The following XIRP2 variants were observed in gnomAD, a reference collection of about 807,000 sequenced individuals.
XIRP2 encodes the protein xin actin-binding repeat-containing protein 2.
In XIRP2, 236 loss-of-function variants were observed where a neutral mutation model predicts 277.0. The ratio of observed to expected loss-of-function variants is 0.85; its 90% CI spans 0.77 to 0.95. XIRP2 has a LOEUF of 0.95. XIRP2 is among the 40% of genes least tolerant of loss of function. XIRP2 has a pLI of 0.00. For synonymous variants in XIRP2, 1,490 were observed against 1,416.5 expected, an observed-to-expected ratio of 1.05 and a Z score of -1.17; for missense variants, 4,640 against 4,157.5, an observed-to-expected ratio of 1.12 and a Z score of -3.19.
At chr2:167,150,870 CAGTGAA>C (rs1439901145) in intron 3 of XIRP2, among the ~76,000 whole-genome samples, 1 of 151,984 alleles carries the variant, frequency 6.6e-6, no homozygotes, top group African/African-American at 2.4e-5. Flanking sequence ...GTGATTTGGG[CAGTGAA>C]ACTAGCCTTT....
chr2:167,254,565 A>G (rs985559220), intron 10 of XIRP2, among the ~76,000 whole-genome samples: 2 of 151,882 alleles, frequency 1.3e-5, no homozygotes, highest in African/African-American at 2.4e-5. Context: ...TCACTACTCA[A>G]TTTCTATTAG....
intron 2 of XIRP2, among the ~76,000 whole-genome samples, chr2:166,936,278 A>G (rs1036356024): frequency 4.7e-4 from 71 of 152,128 alleles, no homozygotes; most frequent in African/African-American, 1.5e-3. Context: ...TTTCTTGTAA[A>G]TTTGTTTGAG....
At chr2:167,142,225 CAT>C (rs937001575) in intron 3 of XIRP2, among the ~76,000 whole-genome samples, 9 of 152,130 alleles carry the variant, frequency 5.9e-5, no homozygotes, top group African/African-American at 1.9e-4. Flanking sequence ...GGAGCCCACA[CAT>C]GAGAGCCAAA....
At chr2:167,111,188 A>G (rs988531740) in intron 2 of XIRP2, among the ~76,000 whole-genome samples, 1 of 152,018 alleles carries the variant, frequency 6.6e-6, no homozygotes, top group Non-Finnish European at 1.5e-5. Context: ...ACTGATTGTT[A>G]TGGCCAGGCC....
At chr2:166,997,895 G>A (rs981165160) in intron 2 of XIRP2, among the ~76,000 whole-genome samples, 47 of 148,260 alleles carry the variant, frequency 3.2e-4, no homozygotes, top group African/African-American at 1.1e-3. Context: ...GAAAGAGCGA[G>A]ACTCCATCTC....
chr2:166,917,886 C>T (rs1018616061), intron 2 of XIRP2, among the ~76,000 whole-genome samples: 3 of 152,110 alleles, frequency 2.0e-5, no homozygotes, highest in South Asian at 2.1e-4. Flanking sequence ...TAACAAATAC[C>T]GTAAGTGACT....
chr2:166,937,632 C>A (rs1364990134), intron 2 of XIRP2, among the ~76,000 whole-genome samples: 1 of 152,132 alleles, frequency 6.6e-6, no homozygotes, highest in East Asian at 1.9e-4. Context: ...GGAGGATTCC[C>A]TCTTTTTCTA....
chr2:167,015,614 C>G (rs1687804174), intron 2 of XIRP2, among the ~76,000 whole-genome samples: 2 of 151,802 alleles, frequency 1.3e-5, no homozygotes, highest in Admixed American at 1.3e-4. Flanking sequence ...AAATCCTACT[C>G]TTTAAGCACT....
At chr2:167,214,505 A>G (rs554907357) in intron 4 of XIRP2, among the ~76,000 whole-genome samples, 4 of 149,044 alleles carry the variant, frequency 2.7e-5, no homozygotes, top group East Asian at 4.0e-4. Context: ...AATCAACTGT[A>G]TGAATTTTTG....
In XIRP2 at chr2:167,246,674, T is replaced by C; in HGVS notation, c.5282T>C (p.Leu1761Pro). ...GGAGCTTTGGATTATCTGAAACAAC[T>C]CCACACAGAGTCAAATGAAACACTG... ...EAGALDYLKQLHTESNETLTA... is the reference protein window; with the variant it reads ...EAGALDYLKQPHTESNETLTA... The change falls in exon 9 of 11, where the codon CTC becomes CCC. Residue 1761 changes from leucine to proline, a missense_variant. Physicochemically the swap from Leu to Pro is moderately conservative, Grantham distance 98. Coordinates refer to ENST00000409195, the MANE Select transcript of XIRP2 (RefSeq NM_152381.6). 6.2e-7 allele frequency: 1 copy of C among 1,613,690 alleles called. No homozygotes were observed. The highest frequency in any genetic ancestry group is 8.5e-7 in the Non-Finnish European group (1 of 1,179,830).
At chr2:167,224,747 G>A (rs1389653659) in intron 5 of XIRP2, among the ~76,000 whole-genome samples, 1 of 152,196 alleles carries the variant, frequency 6.6e-6, no homozygotes, top group East Asian at 1.9e-4. Flanking sequence ...GCCAAGAGGG[G>A]ACATAATCAA....
chr2:167,232,248 C>T (rs1056514037), intron 5 of XIRP2, among the ~76,000 whole-genome samples: 2 of 151,932 alleles, frequency 1.3e-5, no homozygotes, highest in Admixed American at 1.3e-4. Flanking sequence ...TGACTGTTCA[C>T]TAGGTATGAG....
chr2:167,189,354 T>G (rs1693257471), intron 3 of XIRP2, among the ~76,000 whole-genome samples: 2 of 152,292 alleles, frequency 1.3e-5, no homozygotes, highest in South Asian at 4.1e-4. Flanking sequence ...ATGTCTAGAT[T>G]TATTAATTTA....
rs1399744441 is a variant in XIRP2 at position 167,246,462 on chromosome 2, T to C, written c.5070T>C (p.Thr1690=). ...ATGAAAAAGGAGATATTAACATGAC[T>C]ATCTATTGTCTTCTTCATGAAAATG... ...QEDEKGDINM[T]IYCLLHENDG... The change falls in exon 9 of 11, where the codon ACT becomes ACC. Residue 1690 remains threonine (T), a synonymous_variant. Coordinates refer to ENST00000409195, the MANE Select transcript of XIRP2 (RefSeq NM_152381.6). The C allele has an allele frequency of 6.2e-7, 1 of 1,613,582 alleles. No homozygotes were observed. Among genetic ancestry groups the C allele is most frequent in the East Asian group, 2.2e-5 (1 of 44,842 alleles).
In XIRP2 at chr2:166,936,259, G is replaced by C. The variant is rs1236497780; in HGVS notation, c.408+32369G>C. On this transcript the variant is annotated intron_variant, in intron 2 of 10. Coordinates refer to ENST00000409195, the MANE Select transcript of XIRP2 (RefSeq NM_152381.6). ...CCTTCGCCCACTTTTTGATGGGGTT[G>C]TTTGTTTTTTTCTTGTAAATTTGTT... Among the ~76,000 whole-genome samples, 4 of 152,294 alleles carry C rather than the reference G, an allele frequency of 2.6e-5. 1 individual carries two copies. Among genetic ancestry groups the C allele is most frequent in the African/African-American group, 7.2e-5 (3 of 41,564 alleles).
chr2:167,249,929 A>G lies in XIRP2; in HGVS notation c.8537A>G (p.Asn2846Ser). The G allele has an allele frequency of 6.2e-7, 1 of 1,613,610 alleles. No homozygotes were observed. The highest frequency in any genetic ancestry group is 8.5e-7 in the Non-Finnish European group (1 of 1,179,722). The change falls in exon 9 of 11, where the codon AAT becomes AGT. Residue 2846 changes from asparagine to serine, a missense_variant. Transcript: ENST00000409195. ...ITERKHEHLKNKSAPKVVKQK... is the reference protein window; with the variant it reads ...ITERKHEHLKSKSAPKVVKQK... ...GAAAGAAAACACGAACATCTGAAGA[A>G]TAAATCAGCACCAAAGGTCGTCAAG... is the stretch of plus-strand genomic sequence containing the variant.
rs146032630 is a variant in XIRP2 at position 167,185,413 on chromosome 2, A to G, written c.563-25322A>G. Among the ~76,000 whole-genome samples, 210 of 152,238 alleles carry G rather than the reference A, an allele frequency of 1.4e-3. 6 individuals are homozygous for G. In the East Asian group the frequency reaches 0.036, roughly 26 times the overall value. The stretch of plus-strand genomic sequence containing the variant: ...AGTGAAAAAATAATATTTAATGTAT[A>G]TGTATTTTTATCAAATACACTTTTT... On this transcript the variant is annotated intron_variant, in intron 3 of 10. Transcript: ENST00000409195.
chr2:167,161,296 G>A (rs190659962), intron 3 of XIRP2, among the ~76,000 whole-genome samples: 1 of 152,336 alleles, frequency 6.6e-6, no homozygotes, highest in African/African-American at 2.4e-5. Flanking sequence ...CCACTAGGTG[G>A]TGCCCCAGTA....
At chr2:166,910,255 G>A (rs866202458) in intron 2 of XIRP2, among the ~76,000 whole-genome samples, 61 of 152,018 alleles carry the variant, frequency 4.0e-4, no homozygotes, top group African/African-American at 1.4e-3. Flanking sequence ...ACTTTTTTTG[G>A]TTGGTAGGCT....
Sources: gnomAD v4.1 joint callset for allele counts (sites outside exome capture counted in the v4.1 genomes callset) on GRCh38, gnomAD v4.1.1 for gene constraint, MANE v1.5 for transcripts, NCBI Gene and HGNC (gene_info 2026-07-23, HGNC 2026-07-21) for gene names.